PBX3: variants seen among roughly 807,000 people sequenced by gnomAD.
PBX3 encodes PBX homeobox 3, also known as pre-B-cell leukemia transcription factor 3.
Under a neutral mutation model 48.5 loss-of-function variants are expected in PBX3, and 14 were observed. The observed-to-expected ratio is 0.29, with a 90% CI of 0.19 to 0.45. The LOEUF (loss-of-function observed/expected upper bound fraction) is 0.45, where lower values mean the gene tolerates loss of function less well. PBX3 is among the 20% of genes least tolerant of loss of function. The pLI is 1.00. For synonymous variants in PBX3, 210 were observed against 200.3 expected (o/e 1.05, Z -0.41); for missense variants, 386 against 546.7 (o/e 0.71, Z 2.93).
chr9:125,965,530 C>T (rs910894471), intron 8 of PBX3, among the ~76,000 whole-genome samples: 1 of 152,198 alleles, frequency 6.6e-6, no homozygotes, highest in Non-Finnish European at 1.5e-5. Context: ...GAAGAGATTT[C>T]TTTTTGAGTC....
rs558848329 is a variant in PBX3, at chr9:125,941,497, G to A, written c.843+5890G>A. ...GCTATCAGTTGGGGTACACTTGAGTGTTCACTTAATTGAGTATTTGTGATA... is the reference window on the plus strand; with the variant it reads ...GCTATCAGTTGGGGTACACTTGAGTATTCACTTAATTGAGTATTTGTGATA... On this transcript the variant is annotated intron_variant, in intron 5 of 8. Transcript: ENST00000373489. Among the ~76,000 whole-genome samples the A allele has an allele frequency of 4.6e-5, 7 of 152,310 alleles. No individual in the cohort carries two copies. The East Asian group carries it at 1.4e-3, about 29-fold the overall frequency.
At chr9:125,960,881 C>A in intron 6 of PBX3, 32 bp downstream of exon 6, 2 of 1,604,602 alleles carry the variant, frequency 1.2e-6, no homozygotes, top group Non-Finnish European at 1.7e-6. Context: ...CCCAACTGGC[C>A]CAGGCAGCCT....
chr9:125,781,527 T>A (rs7849176), intron 2 of PBX3, among the ~76,000 whole-genome samples: 7,109 of 94,128 alleles, frequency 0.076, 443 homozygotes, highest in East Asian at 0.2. Context: ...AGGGAGAGGG[T>A]GACCGAGAGG....
At chr9:125,871,137 G>A (rs913705899) in intron 2 of PBX3, among the ~76,000 whole-genome samples, 13 of 152,048 alleles carry the variant, frequency 8.5e-5, no homozygotes, top group East Asian at 3.9e-4. Flanking sequence ...AGTGGCTCAC[G>A]CCTGTAATCC....
chr9:125,943,271 A>T (rs1360300419), intron 5 of PBX3, among the ~76,000 whole-genome samples: 2 of 145,874 alleles, frequency 1.4e-5, no homozygotes, highest in Non-Finnish European at 3.0e-5. Flanking sequence ...GATGAGAATC[A>T]CTTGAGCCTA....
At position 125,775,781 on chromosome 9, in the gene PBX3, T is replaced by C. The variant is rs377315195; in HGVS notation, c.274+27158T>C. 4.6e-5 allele frequency among the ~76,000 whole-genome samples: 7 copies of C among 152,340 alleles called. 1 individual carries two copies. Among genetic ancestry groups the C allele is most frequent in the East Asian group, 3.9e-4 (2 of 5,188 alleles). ...TGGCTTTTCTATTTCTGCAAAAAAT[T>C]GTGATAGGAGTTGCATTGAATTTGT... is the stretch of plus-strand genomic sequence containing the variant. On this transcript the variant is annotated intron_variant, in intron 2 of 8. Coordinates refer to ENST00000373489, the MANE Select transcript of PBX3 (RefSeq NM_006195.6).
chr9:125,748,498 AT>A, intron 1 of PBX3, 51 bp from the exon 2 acceptor site: 2 of 1,590,558 alleles, frequency 1.3e-6, no homozygotes, highest in South Asian at 2.2e-5. Context: ...AAGGCGCCAT[AT>A]TATTCCATAG....
chr9:125,910,748 T>G (rs1240080280), intron 2 of PBX3, among the ~76,000 whole-genome samples: 2 of 150,472 alleles, frequency 1.3e-5, no homozygotes, highest in African/African-American at 4.9e-5. Context: ...CCATGAGTTG[T>G]GATGGGCAAC....
intron 2 of PBX3, among the ~76,000 whole-genome samples, chr9:125,834,943 G>A (rs1173880067): frequency 2.2e-5 from 3 of 135,334 alleles, no homozygotes; most frequent in Admixed American, 8.2e-5. Context: ...CTTGAATCTG[G>A]GAGGCAGAAG....
chr9:125,890,092 C>T (rs1588264530), intron 2 of PBX3, among the ~76,000 whole-genome samples: 2 of 152,306 alleles, frequency 1.3e-5, no homozygotes, highest in East Asian at 3.9e-4. Flanking sequence ...CTTTTCCAAT[C>T]CAAACCAGAA....
intron 5 of PBX3, among the ~76,000 whole-genome samples, chr9:125,937,585 A>G (rs935943091): frequency 3.3e-5 from 5 of 152,240 alleles, no homozygotes; most frequent in East Asian, 1.9e-4. Context: ...ATGCTTATAA[A>G]TTAATGGCCT....
chr9:125,936,574 C>G (rs1841840893), intron 5 of PBX3, among the ~76,000 whole-genome samples: 1 of 152,148 alleles, frequency 6.6e-6, no homozygotes, highest in Admixed American at 6.5e-5. Context: ...AGATCCCTTT[C>G]AAGTTCCAAT....
At chr9:125,911,581 T>TA (rs1481375269) in intron 2 of PBX3, among the ~76,000 whole-genome samples, 1 of 152,110 alleles carries the variant, frequency 6.6e-6, no homozygotes, top group East Asian at 1.9e-4. Flanking sequence ...CTGCTGAAAA[T>TA]ATCTCATCTG....
intron 2 of PBX3, among the ~76,000 whole-genome samples, chr9:125,761,154 A>C (rs969509318): frequency 6.6e-6 from 1 of 152,164 alleles, no homozygotes; most frequent in African/African-American, 2.4e-5. Context: ...TCTCAGTGCC[A>C]ATAAATTATA....
chr9:125,911,473 A>C (rs1841201885), intron 2 of PBX3, among the ~76,000 whole-genome samples: 2 of 152,192 alleles, frequency 1.3e-5, no homozygotes, highest in Admixed American at 1.3e-4. Flanking sequence ...ACTTTAAAAT[A>C]ACAGACACAA....
chr9:125,804,555 GC>G (rs1838062236), intron 2 of PBX3, among the ~76,000 whole-genome samples: 1 of 152,162 alleles, frequency 6.6e-6, no homozygotes, highest in African/African-American at 2.4e-5. Flanking sequence ...TCCCATCTCT[GC>G]TAAATGATGA....
At chr9:125,803,972 AAAG>A (rs1838044762) in intron 2 of PBX3, among the ~76,000 whole-genome samples, 1 of 152,214 alleles carries the variant, frequency 6.6e-6, no homozygotes. Flanking sequence ...AACTGGTGTA[AAAG>A]AAGAGCAGGC....
At chr9:125,935,411 C>T (rs1841814160) in intron 4 of PBX3, 61 bp from the exon 5 acceptor site, 3 of 1,484,468 alleles carry the variant, frequency 2.0e-6, no homozygotes, top group Non-Finnish European at 1.9e-6. Flanking sequence ...CCTAATTAAC[C>T]CATCCCTCTT....
intron 2 of PBX3, among the ~76,000 whole-genome samples, chr9:125,888,295 T>C (rs1840549105): frequency 6.6e-6 from 1 of 152,244 alleles, no homozygotes; most frequent in Admixed American, 6.5e-5. Flanking sequence ...TGTAGTGTAC[T>C]GAATTATTTT....
Sources: allele counts gnomAD v4.1 joint callset (sites outside exome capture counted in the v4.1 genomes callset), GRCh38; gene constraint gnomAD v4.1.1; transcripts MANE v1.5; gene names NCBI Gene and HGNC (gene_info 2026-07-23, HGNC 2026-07-21).